Variants in NECAP2 observed in about 807,000 individuals in gnomAD.
NECAP2 encodes adaptin ear-binding coat-associated protein 2.
Under a neutral mutation model 37.8 loss-of-function variants are expected in NECAP2, and 38 were observed. That is an observed-to-expected ratio of 1.01 (90% CI 0.78 to 1.32). The LOEUF (loss-of-function observed/expected upper bound fraction) is 1.32, where lower values mean the gene tolerates loss of function less well. Ranked by LOEUF, NECAP2 falls within the 40% of genes most tolerant of loss-of-function variation. The pLI, the probability that NECAP2 is intolerant of heterozygous loss-of-function variation, is 0.00. For synonymous variants in NECAP2, 121 were observed against 127.7 expected, an observed-to-expected ratio of 0.95 and a Z score of 0.35; for missense variants, 316 against 334.5, an observed-to-expected ratio of 0.94 and a Z score of 0.43.
chr1:16,458,109 TAA>T (rs2086955778), intron 7 of NECAP2, among the ~76,000 whole-genome samples: 1 of 152,230 alleles, frequency 6.6e-6, no homozygotes, highest in Admixed American at 6.5e-5. Flanking sequence ...GTTTTTAGCC[TAA>T]GATTCATTTG....
chr1:16,443,515 CTT>C, intron 1 of NECAP2, 115 bp from the exon 2 acceptor site: 1 of 762,452 alleles, frequency 1.3e-6, no homozygotes, highest in Non-Finnish European at 2.2e-6. Context: ...CTGTCTGACT[CTT>C]TACAGAAAAT....
chr1:16,443,501 T>G, intron 1 of NECAP2, 131 bp from the exon 2 acceptor site: 1 of 698,544 alleles, frequency 1.4e-6, no homozygotes, highest in South Asian at 1.7e-5. Flanking sequence ...GCCAAAGATA[T>G]TTACTGTCTG....
In NECAP2 at chr1:16,440,747, G is replaced by C. The variant is rs1303901446; in HGVS notation, c.-15G>C. ...GTGGAAGTCGCCGGAAGTTCGGTGG[G>C]CTCCAGGCGTCGCGATGGAGGAGAG... On this transcript the variant is annotated 5_prime_UTR_variant, in exon 1 of 8. Coordinates refer to ENST00000337132, the MANE Select transcript of NECAP2 (RefSeq NM_018090.5). 1.1e-5 allele frequency: 18 copies of C among 1,608,870 alleles called. No individual in the cohort carries two copies. The highest frequency in any genetic ancestry group is 1.4e-5 in the Non-Finnish European group (17 of 1,175,420).
chr1:16,451,517 T>G, intron 5 of NECAP2: 1 of 328,058 alleles, frequency 3.0e-6, no homozygotes, highest in South Asian at 4.4e-5. Context: ...GAATGGTTAC[T>G]TCATATCGTA....
At chr1:16,446,358 G>C (rs1391021543) in intron 2 of NECAP2, among the ~76,000 whole-genome samples, 1 of 152,194 alleles carries the variant, frequency 6.6e-6, no homozygotes, top group East Asian at 1.9e-4. Flanking sequence ...CTTAAGACCA[G>C]GAGTTAGAGA....
intron 4 of NECAP2, chr1:16,448,464 G>C (rs978365672): frequency 1.4e-5 from 5 of 354,538 alleles, no homozygotes; most frequent in African/African-American, 1.0e-4. Context: ...AATGGCGCTT[G>C]GATTCCCAGG....
Position 16,457,198 on chromosome 1 carries a change from G to T in NECAP2, c.743+1305G>T, listed in dbSNP as rs113193004. On this transcript the variant is annotated intron_variant, in intron 7 of 7. Coordinates refer to ENST00000337132, the MANE Select transcript of NECAP2 (RefSeq NM_018090.5). ...GGGCTGGGCGCGGTGGCTCATGCCTGTAATCCCAGCACTTTGGGATTCCCA... is the reference window on the plus strand; with the variant it reads ...GGGCTGGGCGCGGTGGCTCATGCCTTTAATCCCAGCACTTTGGGATTCCCA... Among the ~76,000 whole-genome samples the T allele has an allele frequency of 3.9e-5, 6 of 152,124 alleles. No homozygotes were observed. The East Asian group carries it at 1.2e-3, about 29-fold the overall frequency.
At position 16,449,170 on chromosome 1, in the gene NECAP2, A is replaced by G; in HGVS notation, c.458A>G (p.Lys153Arg). Residue 153 changes from lysine to arginine, a missense_variant, in exon 5 of 8, where the codon AAG (lysine) becomes AGG (arginine). Around this residue, in one of 3 missense-constraint regions of NECAP2, gnomAD observed 204 missense variants for 188.6 expected, o/e 1.08. Coordinates refer to ENST00000337132, the MANE Select transcript of NECAP2 (RefSeq NM_018090.5). ...GGCCCTAAACTGGACCTGGGCTTCA[A>G]GGAGGGCCAGACCATCAAGCTCAAC... The part of the protein sequence containing the change: ...DQGPKLDLGF[K>R]EGQTIKLNIA... 2 of 1,612,808 alleles carry G rather than the reference A, an allele frequency of 1.2e-6. No individual in the cohort carries two copies. The highest frequency in any genetic ancestry group is 2.2e-5 in the East Asian group (1 of 44,872).
intron 6 of NECAP2, among the ~76,000 whole-genome samples, chr1:16,454,622 G>A (rs939668022): frequency 6.6e-6 from 1 of 152,222 alleles, no homozygotes; most frequent in Non-Finnish European, 1.5e-5. Flanking sequence ...CACCCAAAGT[G>A]CTGGGATTAC....
At chr1:16,451,470 G>A (rs2086841369) in intron 5 of NECAP2, 1 of 199,600 alleles carries the variant, frequency 5.0e-6, no homozygotes, top group Non-Finnish European at 1.0e-5. Context: ...ATTTTTCAAA[G>A]TAGTTTTACC....
At chr1:16,446,105 G>A (rs1166840663) in intron 2 of NECAP2, among the ~76,000 whole-genome samples, 1 of 152,186 alleles carries the variant, frequency 6.6e-6, no homozygotes, top group Non-Finnish European at 1.5e-5. Flanking sequence ...CTATTCGGGA[G>A]GTTGAGGCAG....
chr1:16,455,961 C>A, intron 7 of NECAP2, 68 bp downstream of exon 7: 2 of 1,118,276 alleles, frequency 1.8e-6, no homozygotes, highest in South Asian at 2.5e-5. Flanking sequence ...TGGTATTGTT[C>A]CACATGCCTG....
At position 16,459,217 on chromosome 1, in the gene NECAP2, AAAG is replaced by A; in HGVS notation, c.*332_*334del. The A allele has an allele frequency of 2.7e-6, 1 of 376,500 alleles. No homozygotes were observed. The highest frequency in any genetic ancestry group is 4.4e-5 in the Admixed American group (1 of 22,690). 23.3% of individuals were successfully genotyped at this position (376,500 alleles called of 1,614,324 possible). A position where few individuals can be genotyped will look rare whatever the true frequency, so the allele number is the denominator to read the frequency against. On this transcript the variant is annotated 3_prime_UTR_variant, in exon 8 of 8. Coordinates refer to ENST00000337132, the MANE Select transcript of NECAP2 (RefSeq NM_018090.5). ...GTATTAAACACAAGCCCCCCAAGCA[AAAG>A]AAGAGGTTGAGTTTGCTGCCAGGAT...
At chr1:16,450,683 C>CA (rs1419489594) in intron 5 of NECAP2, 3 of 152,558 alleles carry the variant, frequency 2.0e-5, no homozygotes, top group African/African-American at 7.2e-5. Context: ...AGTGGTGGCT[C>CA]ACGCCTGTAA....
intron 7 of NECAP2, among the ~76,000 whole-genome samples, chr1:16,456,954 G>A (rs954659774): frequency 1.3e-5 from 2 of 151,948 alleles, no homozygotes; most frequent in Non-Finnish European, 2.9e-5. Context: ...TGCCTGCCTC[G>A]GCCTCCCAGA....
intron 1 of NECAP2, among the ~76,000 whole-genome samples, chr1:16,443,232 A>C (rs2086714668): frequency 6.6e-6 from 1 of 152,228 alleles, no homozygotes; most frequent in Non-Finnish European, 1.5e-5. Flanking sequence ...GTGACAACCC[A>C]GTGTGTTTTT....
At chr1:16,448,777 G>T (rs2086799673) in intron 4 of NECAP2, among the ~76,000 whole-genome samples, 1 of 152,148 alleles carries the variant, frequency 6.6e-6, no homozygotes, top group Non-Finnish European at 1.5e-5. Context: ...TAGAGGGAAG[G>T]GCAGGCTCTC....
rs139469798 is a variant in NECAP2 at position 16,452,584 on chromosome 1, G to T, written c.667+569G>T. 1.1e-3 allele frequency among the ~76,000 whole-genome samples: 166 copies of T among 152,268 alleles called. 1 individual carries two copies. The highest frequency in any genetic ancestry group is 3.6e-3 in the African/African-American group (151 of 41,558). Reference sequence around the variant, plus strand: ...TGGGTACAGCATAAGGTGTGCCAAGGTGAGTGGTGGGAAATGAGATTTCGT... The same window carrying T: ...TGGGTACAGCATAAGGTGTGCCAAGTTGAGTGGTGGGAAATGAGATTTCGT... On this transcript the variant is annotated intron_variant, in intron 6 of 7. Coordinates refer to ENST00000337132, the MANE Select transcript of NECAP2 (RefSeq NM_018090.5).
rs767254816 is a variant in NECAP2, at chr1:16,458,672, C to A, written c.744-170C>A. ...ACATTAACTATTTAAAAAAAAAAAA[C>A]CATCGAGGGCCAGATTTGGTCTCTG... On this transcript the variant is annotated intron_variant, in intron 7 of 7. Coordinates refer to ENST00000337132, the MANE Select transcript of NECAP2 (RefSeq NM_018090.5). Among the ~76,000 whole-genome samples, 24 of 151,044 alleles carry A rather than the reference C, an allele frequency of 1.6e-4. No individual in the cohort carries two copies. The South Asian group carries it at 3.1e-3, about 20-fold the overall frequency.
Sources: gnomAD v4.1 joint callset for allele counts (sites outside exome capture counted in the v4.1 genomes callset) on GRCh38, gnomAD v4.1.1 for gene constraint, gnomAD v4.1.1 regional missense constraint, MANE v1.5 for transcripts, NCBI Gene and HGNC (gene_info 2026-07-23, HGNC 2026-07-21) for gene names.